The following COL27A1 variants were observed in gnomAD, a reference collection of about 807,000 sequenced individuals.
The protein encoded by COL27A1 is collagen type XXVII alpha 1 chain.
Under a neutral mutation model 251.3 loss-of-function variants are expected in COL27A1, and 106 were observed. That is an observed-to-expected ratio of 0.42 (90% CI 0.36 to 0.50). The LOEUF (loss-of-function observed/expected upper bound fraction) is 0.50, where lower values mean the gene tolerates loss of function less well. COL27A1 is among the 20% of genes least tolerant of loss of function. COL27A1 has a pLI of 0.00. For synonymous variants in COL27A1, 1,000 were observed against 986.3 expected, an observed-to-expected ratio of 1.01 and a Z score of -0.26; for missense variants, 2,325 against 2,522.8, an observed-to-expected ratio of 0.92 and a Z score of 1.68.
chr9:114,201,256 G>A (rs981932508), intron 7 of COL27A1, among the ~76,000 whole-genome samples: 2 of 152,218 alleles, frequency 1.3e-5, no homozygotes, highest in South Asian at 2.1e-4. Context: ...GTCAGGCACC[G>A]ATCGCAAACT....
chr9:114,252,808 G>A (rs1833632117), intron 26 of COL27A1, 71 bp from the exon 27 acceptor site: 3 of 1,529,878 alleles, frequency 2.0e-6, no homozygotes, highest in Non-Finnish European at 2.7e-6. Context: ...CTGGGGCTGA[G>A]CCGACCGAGG....
chr9:114,292,280 TACAA>T, intron 49 of COL27A1, 70 bp downstream of exon 49: 1 of 1,169,974 alleles, frequency 8.5e-7, no homozygotes, highest in Non-Finnish European at 1.2e-6. Context: ...CACCTACATG[TACAA>T]ACACATGCAC....
At chr9:114,282,057 C>A (rs1268324907) in intron 37 of COL27A1, among the ~76,000 whole-genome samples, 1 of 152,178 alleles carries the variant, frequency 6.6e-6, no homozygotes, top group African/African-American at 2.4e-5. Context: ...ATCGCCAGGT[C>A]GAATCCCTAA....
rs1294827331 is a variant in COL27A1, at chr9:114,169,349, G to C, written c.1794G>C (p.Leu598=). Residue 598 remains leucine (L), a synonymous_variant, in exon 3 of 61, where the codon CTG becomes CTC. Coordinates refer to ENST00000356083, the MANE Select transcript of COL27A1 (RefSeq NM_032888.4). ...PALVLAPAQF[L]SSSPRPTSSG... ...TGGTATTGGCCCCGGCGCAATTCCT[G>C]TCCTCCAGCCCCCGGCCCACGAGCA... The C allele has an allele frequency of 6.2e-7, 1 of 1,612,448 alleles. No homozygotes were observed. Among genetic ancestry groups the C allele is most frequent in the Non-Finnish European group, 8.5e-7 (1 of 1,179,760 alleles).
At chr9:114,252,981 G>A (rs780890810) in intron 27 of COL27A1, 49 bp downstream of exon 27, 6 of 1,497,784 alleles carry the variant, frequency 4.0e-6, no homozygotes, top group South Asian at 2.4e-5. Flanking sequence ...GTCAGATAAG[G>A]GTTAGGTGGC....
intron 5 of COL27A1, among the ~76,000 whole-genome samples, chr9:114,184,570 A>C (rs1161212170): frequency 5.3e-5 from 8 of 152,226 alleles, no homozygotes. Flanking sequence ...TCAGGTGTCC[A>C]GTGCTTAGCA....
chr9:114,205,037 C>A, intron 7 of COL27A1, 65 bp from the exon 8 acceptor site: 18 of 1,511,328 alleles, frequency 1.2e-5, no homozygotes, highest in Non-Finnish European at 1.7e-5. Flanking sequence ...GGAGGCTGGG[C>A]CCTTGCGATC....
intron 8 of COL27A1, 86 bp downstream of exon 8, chr9:114,205,232 T>C: frequency 7.8e-7 from 1 of 1,284,232 alleles, no homozygotes; most frequent in Non-Finnish European, 1.1e-6. Flanking sequence ...TAGATCCTGC[T>C]CTGTGAGCCA....
chr9:114,290,752 G>A lies in COL27A1; in HGVS notation c.4369-58G>A. 7.4e-7 allele frequency: 1 copy of A among 1,346,250 alleles called. No homozygotes were observed. The highest frequency in any genetic ancestry group is 2.3e-5 in the Admixed American group (1 of 42,588). The allele number at this position is 1,346,250 out of a possible 1,614,324, so 83.4% of individuals were successfully genotyped here. A position where few individuals can be genotyped will look rare whatever the true frequency, so the allele number is the denominator to read the frequency against. ...GGTTTGCCCAGGCGTTGAGCCATCT[G>A]CTTCCTTGGCTGTATCGTGAAACAC... On this transcript the variant is annotated intron_variant, in intron 47 of 60. Transcript: ENST00000356083. This position sits in a 1 kb window ranked among gnomAD's most constrained non-coding sequence, Gnocchi z 4.6.
chr9:114,218,951 GTT>G (rs10710008), intron 12 of COL27A1, among the ~76,000 whole-genome samples: 66,972 of 147,780 alleles, frequency 0.45, 17,147 homozygotes, highest in Admixed American at 0.59. Flanking sequence ...CATGTGCTTT[GTT>G]TTTTTTTTTT....
intron 14 of COL27A1, among the ~76,000 whole-genome samples, chr9:114,223,246 T>A (rs7027825): frequency 1.3e-5 from 2 of 152,038 alleles, no homozygotes; most frequent in Non-Finnish European, 2.9e-5. Flanking sequence ...GGGTTTGAGT[T>A]TGGGGGCCCG....
intron 14 of COL27A1, among the ~76,000 whole-genome samples, chr9:114,227,736 G>A (rs7037586): frequency 1.3e-5 from 2 of 152,076 alleles, no homozygotes; most frequent in African/African-American, 4.8e-5. Flanking sequence ...CACAGCGTGT[G>A]GTGCGGTGTC....
At chr9:114,237,796 G>A in intron 19 of COL27A1, 81 bp downstream of exon 19, 1 of 1,153,966 alleles carries the variant, frequency 8.7e-7, no homozygotes. Flanking sequence ...CCAGGGATGG[G>A]GAAAGACTTG....
rs1829450933 is a variant in COL27A1, at chr9:114,311,548, G to GAAAAAAAAAAAAAAAAAGAAAAAAAA, written c.*871_*872insAAAAAAAAAAAAAAAAAAAAAAAAAG. ...AGGAGGAAAAAAGAAAAGAAAAAAGGAAAAAAAAAAAAAAAAAGCAAAACA... is the reference window on the plus strand; with the variant it reads ...AGGAGGAAAAAAGAAAAGAAAAAAGGAAAAAAAAAAAAAAAAAGAAAAAAAAAAAAAAAAAAAAAAAAAGCAAAACA... On this transcript the variant is annotated 3_prime_UTR_variant, in exon 61 of 61. Transcript: ENST00000356083. 4 of 96,194 alleles carry GAAAAAAAAAAAAAAAAAGAAAAAAAA rather than the reference G, an allele frequency of 4.2e-5. No individual in the cohort carries two copies. The highest frequency in any genetic ancestry group is 6.8e-5 in the African/African-American group (2 of 29,314). The allele number at this position is 96,194 out of a possible 1,614,324, so 6.0% of individuals were successfully genotyped here.
At chr9:114,174,430 G>T (rs1352002358) in intron 3 of COL27A1, among the ~76,000 whole-genome samples, 1 of 152,106 alleles carries the variant, frequency 6.6e-6, no homozygotes, top group African/African-American at 2.4e-5. Context: ...ACAGAAGCAG[G>T]GGCCATGGGC....
chr9:114,171,538 A>G (rs1245262425), intron 3 of COL27A1, among the ~76,000 whole-genome samples: 2 of 151,690 alleles, frequency 1.3e-5, no homozygotes, highest in African/African-American at 4.8e-5. Flanking sequence ...ATCACAGCTC[A>G]CTGCATCCTT....
intron 49 of COL27A1, among the ~76,000 whole-genome samples, chr9:114,298,376 G>A (rs1208342472): frequency 1.3e-5 from 2 of 152,168 alleles, no homozygotes; most frequent in African/African-American, 2.4e-5. Flanking sequence ...GGAAATGCAA[G>A]TGGCCCAGAA....
chr9:114,258,670 C>A, intron 28 of COL27A1, 76 bp downstream of exon 28: 1 of 1,463,494 alleles, frequency 6.8e-7, no homozygotes. Flanking sequence ...CTGCCAGAGA[C>A]TGCCTGGGCT....
intron 36 of COL27A1, chr9:114,273,844 C>G (rs568994383): frequency 6.6e-6 from 1 of 152,546 alleles, no homozygotes; most frequent in South Asian, 2.1e-4. Flanking sequence ...CTGCATGCCC[C>G]ATCCTGGAAC....
Sources: allele counts gnomAD v4.1 joint callset (sites outside exome capture counted in the v4.1 genomes callset), GRCh38; gene constraint gnomAD v4.1.1; non-coding constraint Gnocchi (gnomAD v3.1); transcripts MANE v1.5; gene names NCBI Gene and HGNC (gene_info 2026-07-23, HGNC 2026-07-21).